Variants in GCNT2 observed in about 807,000 individuals in gnomAD.
The protein encoded by GCNT2 is N-acetyllactosaminide beta-1,6-N-acetylglucosaminyl-transferase.
Under a neutral mutation model 34.2 loss-of-function variants are expected in GCNT2, and 34 were observed. The observed-to-expected ratio is 1.00, with a 90% CI of 0.76 to 1.32. The LOEUF is 1.32. Ranked by LOEUF, GCNT2 falls within the 40% of genes most tolerant of loss-of-function variation. The pLI is 0.00. For missense variants in GCNT2, 584 were observed against 489.4 expected, an observed-to-expected ratio of 1.19 and a Z score of -1.82; for synonymous variants, 212 against 188.0, an observed-to-expected ratio of 1.13 and a Z score of -1.04.
intron 3 of GCNT2, chr6:10,574,959 A>G: frequency 1.4e-6 from 1 of 723,686 alleles, no homozygotes; most frequent in East Asian, 2.6e-5. Context: ...CAATACACAC[A>G]TTAATTCTCT....
chr6:10,542,211 A>G (rs2113592510), intron 3 of GCNT2, among the ~76,000 whole-genome samples: 1 of 150,842 alleles, frequency 6.6e-6, no homozygotes, highest in East Asian at 1.9e-4. Flanking sequence ...CGACAGAGTT[A>G]CAGCTGTTTC....
intron 3 of GCNT2, among the ~76,000 whole-genome samples, chr6:10,604,042 C>G (rs1765205018): frequency 6.6e-6 from 1 of 151,818 alleles, no homozygotes; most frequent in African/African-American, 2.4e-5. Flanking sequence ...ATTACAGGCG[C>G]ACGCCACCAC....
intron 3 of GCNT2, among the ~76,000 whole-genome samples, chr6:10,600,147 T>C (rs1245081019): frequency 3.9e-5 from 6 of 152,332 alleles, no homozygotes; most frequent in African/African-American, 1.4e-4. Flanking sequence ...TATAATTTCT[T>C]TCTGAAATGT....
chr6:10,543,564 T>C (rs631983), intron 3 of GCNT2, among the ~76,000 whole-genome samples: 30,276 of 152,218 alleles, frequency 0.2, 4,351 homozygotes, highest in African/African-American at 0.41. Flanking sequence ...ACATCTTGCA[T>C]GCCCACCATC....
intron 3 of GCNT2, among the ~76,000 whole-genome samples, chr6:10,620,755 A>G (rs905730940): frequency 1.8e-4 from 27 of 152,186 alleles, no homozygotes; most frequent in Admixed American, 1.6e-3. Flanking sequence ...TTCAATCTCT[A>G]TGACCTATCC....
At chr6:10,551,783 G>C (rs997602190) in intron 3 of GCNT2, among the ~76,000 whole-genome samples, 3 of 149,024 alleles carry the variant, frequency 2.0e-5, no homozygotes, top group Non-Finnish European at 3.0e-5. Context: ...TTGAGACGCA[G>C]TTTCGCTCTT....
chr6:10,556,088 T>G (rs2113657824), intron 3 of GCNT2: 1 of 1,208,166 alleles, frequency 8.3e-7, no homozygotes, highest in East Asian at 5.3e-5. Context: ...GGAAACTAAA[T>G]CTGCCGGGGG....
In GCNT2 at chr6:10,627,809, G is replaced by C. The variant is rs1469569802; in HGVS notation, c.*1202G>C. ...AGGAACACACAGGGCTGTGTAGCAT[G>C]ATACCAGGCCCAGGAGATCAGTAAT... On this transcript the variant is annotated 3_prime_UTR_variant, in exon 5 of 5. Coordinates refer to ENST00000495262, the MANE Select transcript of GCNT2 (RefSeq NM_145649.5). 2 of 152,188 alleles carry C rather than the reference G, an allele frequency of 1.3e-5. No homozygotes were observed. Among genetic ancestry groups the C allele is most frequent in the East Asian group, 3.9e-4 (2 of 5,188 alleles). The allele number at this position is 152,188 out of a possible 1,614,324, so 9.4% of individuals were successfully genotyped here. A position where few individuals can be genotyped will look rare whatever the true frequency, so the allele number is the denominator to read the frequency against.
At position 10,556,860 on chromosome 6, in the gene GCNT2, C is replaced by T. The variant is rs763357071; in HGVS notation, c.925+27024C>T. On this transcript the variant is annotated intron_variant, in intron 3 of 4. Transcript: ENST00000495262. ...GTAGAGCAACTATTAAGCTGCTTCC[C>T]AAACGCTTTTCTGGCTTCCAAGATG... 5 of 1,614,168 alleles carry T rather than the reference C, an allele frequency of 3.1e-6. No homozygotes were observed. In the African/African-American group the frequency reaches 4.0e-5, roughly 13 times the overall value.
chr6:10,616,044 C>G (rs1181130452), intron 3 of GCNT2, among the ~76,000 whole-genome samples: 3 of 152,218 alleles, frequency 2.0e-5, no homozygotes, highest in Non-Finnish European at 2.9e-5. Context: ...CGGACTCTCG[C>G]AGTGAGTGTT....
intron 3 of GCNT2, among the ~76,000 whole-genome samples, chr6:10,607,326 A>G (rs1437762686): frequency 2.0e-5 from 3 of 152,172 alleles, no homozygotes; most frequent in African/African-American, 7.2e-5. Context: ...GTGGAAGGCA[A>G]AAAGGGAGCA....
At chr6:10,602,386 T>C (rs549041631) in intron 3 of GCNT2, among the ~76,000 whole-genome samples, 2 of 152,340 alleles carry the variant, frequency 1.3e-5, no homozygotes, top group Admixed American at 1.3e-4. Context: ...CTGTGTAACT[T>C]CTAACGGAAG....
chr6:10,538,604 C>G (rs1761891992), intron 3 of GCNT2, among the ~76,000 whole-genome samples: 1 of 151,398 alleles, frequency 6.6e-6, no homozygotes, highest in African/African-American at 2.4e-5. Context: ...TAAAGTGACA[C>G]AGCACAACTG....
chr6:10,531,238 C>T (rs1377401587), intron 3 of GCNT2, among the ~76,000 whole-genome samples: 1 of 152,196 alleles, frequency 6.6e-6, no homozygotes, highest in Non-Finnish European at 1.5e-5. Flanking sequence ...AATTCCATCT[C>T]TCCTTTGGTC....
intron 3 of GCNT2, chr6:10,581,819 C>T: frequency 1.0e-6 from 1 of 984,830 alleles, no homozygotes; most frequent in Non-Finnish European, 1.2e-6. Context: ...CTCCACAAGA[C>T]CTGCCAAGGA....
At chr6:10,523,053 G>A (rs1160810716) in intron 1 of GCNT2, among the ~76,000 whole-genome samples, 1 of 152,130 alleles carries the variant, frequency 6.6e-6, no homozygotes, top group African/African-American at 2.4e-5. Flanking sequence ...CCTCGACTCC[G>A]CCTAGTAACT....
rs528374521 is a variant in GCNT2 at position 10,562,950 on chromosome 6, G to T, written c.925+33114G>T. Among the ~76,000 whole-genome samples, 19 of 152,238 alleles carry T rather than the reference G, an allele frequency of 1.2e-4. No individual in the cohort carries two copies. In the South Asian group the frequency reaches 3.1e-3, roughly 25 times the overall value. ...GAGGTGGGTGGATCACCAGAAGTCG[G>T]GAGTTCGAGATCAGCCTGGCTAACA... On this transcript the variant is annotated intron_variant, in intron 3 of 4. Transcript: ENST00000495262.
chr6:10,569,769 T>C (rs1763456850), intron 3 of GCNT2, among the ~76,000 whole-genome samples: 1 of 152,238 alleles, frequency 6.6e-6, no homozygotes, highest in Admixed American at 6.5e-5. Flanking sequence ...AGTTTTTCCA[T>C]GCTAGGACTA....
At chr6:10,597,275 C>T (rs1234715163) in intron 3 of GCNT2, among the ~76,000 whole-genome samples, 2 of 151,280 alleles carry the variant, frequency 1.3e-5, no homozygotes, top group African/African-American at 4.9e-5. Context: ...CGTGCCTCAG[C>T]CTTCCGAGTA....
Sources: allele counts gnomAD v4.1 joint callset (sites outside exome capture counted in the v4.1 genomes callset), GRCh38; gene constraint gnomAD v4.1.1; transcripts MANE v1.5; gene names NCBI Gene and HGNC (gene_info 2026-07-23, HGNC 2026-07-21).